The following SPIRE1 variants were observed in gnomAD, a reference collection of about 807,000 sequenced individuals.
SPIRE1 encodes spire type actin nucleation factor 1.
Under a neutral mutation model 94.1 loss-of-function variants are expected in SPIRE1, and 40 were observed. The observed-to-expected ratio is 0.43, with a 90% CI of 0.33 to 0.55. The LOEUF (loss-of-function observed/expected upper bound fraction) is 0.55. Ranked by LOEUF, SPIRE1 falls within the 20% of genes least tolerant of loss-of-function variation. The probability of loss-of-function intolerance (pLI) is 0.06; values close to 1 mark genes in which losing one functional copy is unlikely to be tolerated. For missense variants in SPIRE1, 838 were observed against 975.2 expected (o/e 0.86, Z 1.87); for synonymous variants, 376 against 371.7 (o/e 1.01, Z -0.13).
chr18:12,611,083 T>G (rs1002240927), intron 2 of SPIRE1, among the ~76,000 whole-genome samples: 1 of 152,192 alleles, frequency 6.6e-6, no homozygotes, highest in African/African-American at 2.4e-5. Context: ...CCTTCTATAC[T>G]GGATCGTTAC....
At chr18:12,549,925 A>G (rs1392435343) in intron 2 of SPIRE1, among the ~76,000 whole-genome samples, 3 of 152,114 alleles carry the variant, frequency 2.0e-5, no homozygotes, top group Admixed American at 1.3e-4. Context: ...TTCTCTGCTC[A>G]ATTACCTTGC....
At chr18:12,641,241 T>A (rs2038074870) in intron 1 of SPIRE1, among the ~76,000 whole-genome samples, 1 of 151,974 alleles carries the variant, frequency 6.6e-6, no homozygotes, top group African/African-American at 2.4e-5. Context: ...AAGAAAGGAG[T>A]TTATTAAATA....
Position 12,546,722 on chromosome 18 carries a change from A to G in SPIRE1, c.555T>C (p.Asp185=). 6.2e-7 allele frequency: 1 copy of G among 1,614,050 alleles called. No homozygotes were observed. The highest frequency in any genetic ancestry group is 8.5e-7 in the Non-Finnish European group (1 of 1,180,012). ...GAATAGCTGAGATTTTTCTCTTTTC[A>G]TCTTCATCTCCCAGGCCTTCTTCTG... ...EAAEEGLGDE[D]EKRKISAIRS... is the part of the protein sequence containing the mutation. The change falls in exon 3 of 17, where the codon GAT becomes GAC. Residue 185 remains aspartate (D), a synonymous_variant. Transcript: ENST00000409402.
intron 8 of SPIRE1, among the ~76,000 whole-genome samples, chr18:12,488,586 A>G (rs1352902865): frequency 6.6e-6 from 1 of 152,198 alleles, no homozygotes; most frequent in African/African-American, 2.4e-5. Context: ...TTTACAACCC[A>G]AAAGCTCAAT....
At chr18:12,629,183 G>T (rs1309256101) in intron 2 of SPIRE1, among the ~76,000 whole-genome samples, 1 of 152,164 alleles carries the variant, frequency 6.6e-6, no homozygotes, top group East Asian at 1.9e-4. Context: ...AAGGGAAAGG[G>T]CCTCTGAGTG....
At chr18:12,454,312 A>T (rs963797620) in intron 13 of SPIRE1, 34 bp downstream of exon 13, 1 of 1,612,128 alleles carries the variant, frequency 6.2e-7, no homozygotes, top group Admixed American at 1.7e-5. Context: ...CCATCCTTCT[A>T]CTCTTCTGAT....
chr18:12,450,545 G>T, intron 16 of SPIRE1: 1 of 561,846 alleles, frequency 1.8e-6, no homozygotes, highest in Non-Finnish European at 3.2e-6. Context: ...GAGCCCAGCG[G>T]TCTCTGTCAA....
At position 12,623,362 on chromosome 18, in the gene SPIRE1, C is replaced by G. The variant is rs550909558; in HGVS notation, c.372+11700G>C. Among the ~76,000 whole-genome samples the G allele has an allele frequency of 1.4e-4, 22 of 152,140 alleles. No homozygotes were observed. In the South Asian group the frequency reaches 4.4e-3, roughly 30 times the overall value. On this transcript the variant is annotated intron_variant, in intron 2 of 16. Transcript: ENST00000409402. The stretch of plus-strand genomic sequence containing the variant: ...TAGAGACAGGGTTTCACTGTGTTAG[C>G]CAGGATGGTCTCAATCTCCTGACCT...
chr18:12,457,587 TG>T (rs1303983465), intron 12 of SPIRE1, among the ~76,000 whole-genome samples: 1 of 152,176 alleles, frequency 6.6e-6, no homozygotes, highest in Non-Finnish European at 1.5e-5. Context: ...CATGTGTCAA[TG>T]GGACTCCCAG....
At chr18:12,474,667 C>T (rs757428729) in intron 10 of SPIRE1, among the ~76,000 whole-genome samples, 20 of 152,048 alleles carry the variant, frequency 1.3e-4, no homozygotes, top group Non-Finnish European at 2.5e-4. Flanking sequence ...ACTAATATTA[C>T]AAAAACTAGC....
intron 10 of SPIRE1, among the ~76,000 whole-genome samples, chr18:12,479,176 CTT>C (rs35129611): frequency 7.8e-4 from 96 of 122,800 alleles, no homozygotes; most frequent in African/African-American, 2.2e-3. Flanking sequence ...TTTTCTTTTT[CTT>C]TTTTTTTTTT....
chr18:12,478,621 G>A (rs1338809971), intron 10 of SPIRE1, among the ~76,000 whole-genome samples: 8 of 151,296 alleles, frequency 5.3e-5, no homozygotes, highest in East Asian at 3.9e-4. Context: ...GTGTGTGTGC[G>A]CGCGCATGCG....
At position 12,598,947 on chromosome 18, in the gene SPIRE1, C is replaced by T. The variant is rs144923628; in HGVS notation, c.372+36115G>A. On this transcript the variant is annotated intron_variant, in intron 2 of 16. Transcript: ENST00000409402. Reference sequence around the variant, plus strand: ...CTTACAGAAACGCCTCAAAAATATACAGAAATTATCAGGAATTCCTGTATA... The same window carrying T: ...CTTACAGAAACGCCTCAAAAATATATAGAAATTATCAGGAATTCCTGTATA... Among the ~76,000 whole-genome samples, 1,435 of 152,178 alleles carry T rather than the reference C, an allele frequency of 9.4e-3. 30 individuals carry two copies. The highest frequency in any genetic ancestry group is 0.032 in the African/African-American group (1,323 of 41,522).
intron 10 of SPIRE1, among the ~76,000 whole-genome samples, chr18:12,478,305 G>A: frequency 6.6e-6 from 1 of 151,398 alleles, no homozygotes; most frequent in Non-Finnish European, 1.5e-5. Flanking sequence ...GCTGGGGTGT[G>A]TATGTGTGTG....
chr18:12,480,947 G>A (rs568679566), intron 9 of SPIRE1, among the ~76,000 whole-genome samples: 21 of 152,296 alleles, frequency 1.4e-4, no homozygotes, highest in African/African-American at 5.1e-4. Flanking sequence ...TGCCGTAGAT[G>A]GGGCAAAGGG....
At chr18:12,503,034 G>A (rs539773371) in intron 6 of SPIRE1, among the ~76,000 whole-genome samples, 13 of 151,882 alleles carry the variant, frequency 8.6e-5, no homozygotes, top group South Asian at 6.3e-4. Flanking sequence ...GCGTGAACCC[G>A]GGAGGCGGAG....
intron 2 of SPIRE1, among the ~76,000 whole-genome samples, chr18:12,579,050 T>A (rs1323008628): frequency 6.6e-6 from 1 of 151,372 alleles, no homozygotes; most frequent in Non-Finnish European, 1.5e-5. Context: ...TCTTTTTGAA[T>A]TTTTTTTTAA....
intron 2 of SPIRE1, among the ~76,000 whole-genome samples, chr18:12,593,370 AAT>A (rs2036585132): frequency 6.6e-6 from 1 of 152,228 alleles, no homozygotes; most frequent in Non-Finnish European, 1.5e-5. Context: ...TTTCCTTGCC[AAT>A]ATGAAACAAC....
At chr18:12,631,852 G>A (rs977501387) in intron 2 of SPIRE1, among the ~76,000 whole-genome samples, 1 of 151,944 alleles carries the variant, frequency 6.6e-6, no homozygotes, top group African/African-American at 2.4e-5. Context: ...GTGACAGAGT[G>A]AGACTCTGTC....
Sources: gnomAD v4.1 joint callset for allele counts (sites outside exome capture counted in the v4.1 genomes callset) on GRCh38, gnomAD v4.1.1 for gene constraint, MANE v1.5 for transcripts, NCBI Gene and HGNC (gene_info 2026-07-23, HGNC 2026-07-21) for gene names.